THSD7B: variants seen among roughly 807,000 people sequenced by gnomAD.
The protein encoded by THSD7B is thrombospondin type 1 domain containing 7B.
In THSD7B, 138 loss-of-function variants were observed where a neutral mutation model predicts 213.6. That is an observed-to-expected ratio of 0.65 (90% CI 0.56 to 0.74). The LOEUF (loss-of-function observed/expected upper bound fraction) is 0.74. Ranked by LOEUF, THSD7B falls within the 30% of genes least tolerant of loss-of-function variation. The pLI is 0.00. For missense variants in THSD7B, 1,931 were observed against 1,991.5 expected (o/e 0.97, Z 0.58); for synonymous variants, 742 against 687.0 (o/e 1.08, Z -1.25).
intron 2 of THSD7B, among the ~76,000 whole-genome samples, chr2:136,999,701 A>G (rs988397142): frequency 3.9e-5 from 6 of 152,154 alleles, no homozygotes; most frequent in Non-Finnish European, 8.8e-5. Context: ...CACAATATTT[A>G]AGAAATATGA....
intron 14 of THSD7B, among the ~76,000 whole-genome samples, chr2:137,434,935 C>T (rs1288669692): frequency 6.6e-6 from 1 of 152,188 alleles, no homozygotes; most frequent in Admixed American, 6.5e-5. Context: ...TGCCAAGAGG[C>T]TCATTATAGT....
chr2:136,788,001 G>A (rs915966751), intron 1 of THSD7B, among the ~76,000 whole-genome samples: 1 of 152,146 alleles, frequency 6.6e-6, no homozygotes, highest in Non-Finnish European at 1.5e-5. Context: ...TCTTAATGCA[G>A]CACAGCTTAA....
chr2:137,630,365 A>G (rs1682718561), intron 20 of THSD7B, among the ~76,000 whole-genome samples: 1 of 152,156 alleles, frequency 6.6e-6, no homozygotes, highest in South Asian at 2.1e-4. Context: ...TGAATTTTTA[A>G]GCACCTACCC....
chr2:137,348,373 T>G (rs774217556), intron 12 of THSD7B, among the ~76,000 whole-genome samples: 9 of 151,746 alleles, frequency 5.9e-5, no homozygotes, highest in South Asian at 2.1e-4. Flanking sequence ...GTGTGTTTTC[T>G]CTGGTTTTTG....
intron 1 of THSD7B, among the ~76,000 whole-genome samples, chr2:136,815,695 G>C (rs567672634): frequency 1.6e-4 from 24 of 152,238 alleles, no homozygotes; most frequent in African/African-American, 5.8e-4. Context: ...TAAATGTCAT[G>C]AACTTAGTAA....
rs554821974 is a variant in THSD7B, at chr2:137,105,878, G to A, written c.1200-9246G>A. Among the ~76,000 whole-genome samples the A allele has an allele frequency of 1.2e-4, 19 of 152,248 alleles. 1 individual carries two copies. Among genetic ancestry groups the A allele is most frequent in the South Asian group, 8.3e-4 (4 of 4,820 alleles). ...TCTTCAAGGAGAACTACAAACCACT[G>A]CTCAAGGAAATAAGAGAGGACACAA... On this transcript the variant is annotated intron_variant, in intron 4 of 27. Coordinates refer to ENST00000409968, the MANE Select transcript of THSD7B (RefSeq NM_001316349.2).
intron 1 of THSD7B, among the ~76,000 whole-genome samples, chr2:136,823,763 A>C: frequency 6.6e-6 from 1 of 152,122 alleles, no homozygotes; most frequent in East Asian, 1.9e-4. Flanking sequence ...AGTTGCTTCT[A>C]ACAGTATATA....
chr2:137,057,456 T>C (rs1228973111), intron 3 of THSD7B, among the ~76,000 whole-genome samples: 1 of 152,092 alleles, frequency 6.6e-6, no homozygotes, highest in Non-Finnish European at 1.5e-5. Flanking sequence ...AGTAATGCAA[T>C]TATATATATA....
intron 14 of THSD7B, among the ~76,000 whole-genome samples, chr2:137,446,876 T>A (rs1687552138): frequency 6.6e-6 from 1 of 152,088 alleles, no homozygotes; most frequent in Admixed American, 6.5e-5. Flanking sequence ...TTAGTGGGAC[T>A]TCTGCAGTTA....
intron 5 of THSD7B, among the ~76,000 whole-genome samples, chr2:137,134,960 G>A (rs980807204): frequency 1.3e-5 from 2 of 152,128 alleles, no homozygotes; most frequent in African/African-American, 2.4e-5. Context: ...TCTCTTGCTA[G>A]CTATGTGACC....
chr2:137,099,061 T>C (rs1324965649), intron 4 of THSD7B, among the ~76,000 whole-genome samples: 1 of 152,216 alleles, frequency 6.6e-6, no homozygotes, highest in Non-Finnish European at 1.5e-5. Flanking sequence ...TGTAATTTTA[T>C]GGACCTCCCC....
intron 12 of THSD7B, among the ~76,000 whole-genome samples, chr2:137,334,194 C>CTCTT (rs1553440451): frequency 1.4e-5 from 2 of 138,080 alleles, no homozygotes; most frequent in South Asian, 4.7e-4. Flanking sequence ...CTCTCTCTCT[C>CTCTT]TCTCTCTTTC....
chr2:136,772,358 T>C (rs959692725), intron 1 of THSD7B, among the ~76,000 whole-genome samples: 1 of 152,078 alleles, frequency 6.6e-6, no homozygotes, highest in Non-Finnish European at 1.5e-5. Context: ...TTTGGAAATA[T>C]GGAAAAAGGC....
chr2:137,100,579 T>C (rs1688131506), intron 4 of THSD7B, among the ~76,000 whole-genome samples: 1 of 152,130 alleles, frequency 6.6e-6, no homozygotes, highest in Non-Finnish European at 1.5e-5. Flanking sequence ...TGTTTGTTTG[T>C]TTCCTTTTCC....
chr2:137,563,314 T>G lies in THSD7B; in HGVS notation c.3232T>G (p.Ser1078Ala), dbSNP rs980492234. Reference sequence around the variant, plus strand: ...ATGCAAAATCAACAATGAGCTGAGGTCCCTGCGCTGTGGAGGAGGAACACA... The same window carrying G: ...ATGCAAAATCAACAATGAGCTGAGGGCCCTGCGCTGTGGAGGAGGAACACA... ...SSCKINNELR[S>A]LRCGGGTQSR... is the part of the protein sequence containing the mutation. The change falls in exon 16 of 28, where the codon TCC becomes GCC. Residue 1078 changes from serine (S) to alanine (A), a missense_variant. Transcript: ENST00000409968. The G allele has an allele frequency of 6.2e-7, 1 of 1,613,300 alleles. No individual in the cohort carries two copies. Among genetic ancestry groups the G allele is most frequent in the East Asian group, 2.2e-5 (1 of 44,858 alleles).
chr2:137,273,534 A>G (rs1356343812), intron 11 of THSD7B, among the ~76,000 whole-genome samples: 2 of 152,136 alleles, frequency 1.3e-5, no homozygotes, highest in East Asian at 3.9e-4. Context: ...TGCCTTTAGC[A>G]AAAATGTCCC....
chr2:137,233,561 AT>A (rs1158619763), intron 9 of THSD7B, among the ~76,000 whole-genome samples: 18 of 152,284 alleles, frequency 1.2e-4, no homozygotes, highest in African/African-American at 4.3e-4. Context: ...AAATAGATAC[AT>A]CCATACAGCC....
intron 12 of THSD7B, among the ~76,000 whole-genome samples, chr2:137,285,017 A>T (rs1194821679): frequency 1.3e-5 from 2 of 152,020 alleles, no homozygotes; most frequent in African/African-American, 4.8e-5. Context: ...GTCTCCCATT[A>T]TTATTGTGTG....
At chr2:136,981,791 C>G (rs1318365601) in intron 2 of THSD7B, among the ~76,000 whole-genome samples, 1 of 152,208 alleles carries the variant, frequency 6.6e-6, no homozygotes, top group Non-Finnish European at 1.5e-5. Flanking sequence ...ACCACACCTA[C>G]GTTTAGCACT....
Sources: allele counts gnomAD v4.1 joint callset (sites outside exome capture counted in the v4.1 genomes callset), GRCh38; gene constraint gnomAD v4.1.1; transcripts MANE v1.5; gene names NCBI Gene and HGNC (gene_info 2026-07-23, HGNC 2026-07-21).